GLS2: variants seen among roughly 807,000 people sequenced by gnomAD.
The protein encoded by GLS2 is glutaminase liver isoform, mitochondrial.
A neutral mutation model predicts 79.0 loss-of-function variants in GLS2; 52 were observed. The observed-to-expected ratio is 0.66, with a 90% confidence interval of 0.53 to 0.83. The LOEUF (loss-of-function observed/expected upper bound fraction) is 0.83, where lower values mean the gene tolerates loss of function less well. GLS2 is among the 40% of genes least tolerant of loss of function. GLS2 has a pLI of 0.00. For missense variants in GLS2, 561 were observed against 764.8 expected, an observed-to-expected ratio of 0.73 and a Z score of 3.14; for synonymous variants, 238 against 280.8, an observed-to-expected ratio of 0.85 and a Z score of 1.52.
intron 1 of GLS2, among the ~76,000 whole-genome samples, chr12:56,486,234 G>T (rs777162127): frequency 6.6e-6 from 1 of 152,058 alleles, no homozygotes; most frequent in East Asian, 1.9e-4. Context: ...ATGATAGGGG[G>T]TTCCCTGGGC....
Position 56,484,517 on chromosome 12 carries a change from T to G in GLS2, c.182+3420A>C, listed in dbSNP as rs117449436. Reference sequence around the variant, plus strand: ...ACCAGAAGAGGGAATACCAGAAGAGTTTTCCTGCTTCTGGGGAAATCCGGT... The same window carrying G: ...ACCAGAAGAGGGAATACCAGAAGAGGTTTCCTGCTTCTGGGGAAATCCGGT... On this transcript the variant is annotated intron_variant, in intron 1 of 17. Transcript: ENST00000311966. Among the ~76,000 whole-genome samples, 1,480 of 151,660 alleles carry G rather than the reference T, an allele frequency of 9.8e-3. 19 individuals are homozygous for G. Among genetic ancestry groups the G allele is most frequent in the Middle Eastern group, 0.031 (9 of 294 alleles).
Position 56,471,281 on chromosome 12 carries a change from G to T in GLS2, c.*206C>A, listed in dbSNP as rs1438719835. The T allele has an allele frequency of 1.1e-5, 6 of 547,280 alleles. No homozygotes were observed. Among genetic ancestry groups the T allele is most frequent in the African/African-American group, 1.9e-5 (1 of 52,836 alleles). The allele number at this position is 547,280 out of a possible 1,614,324, so 33.9% of individuals were successfully genotyped here. A position where few individuals can be genotyped will look rare whatever the true frequency, so the allele number is the denominator to read the frequency against. ...GTCTCTCTGGATAGCTGTACTGCAG[G>T]TGTCCTCTGAGGCCCTTCTCTGTAC... On this transcript the variant is annotated 3_prime_UTR_variant, in exon 18 of 18. Transcript: ENST00000311966.
chr12:56,480,422 G>A (rs370977058), intron 1 of GLS2, 35 bp from the exon 2 acceptor site: 15 of 1,530,914 alleles, frequency 9.8e-6, no homozygotes, highest in Non-Finnish European at 1.3e-5. Flanking sequence ...GGAAAGTGGG[G>A]CCTGAGAACT....
At position 56,471,846 on chromosome 12, in the gene GLS2, T is replaced by C. The variant is rs367695348; in HGVS notation, c.1589-10A>G. The stretch of plus-strand genomic sequence containing the variant: ...ACAACTTCGATGTGTCCTAGGAATA[T>C]GGGCAGAAGGAAAATGAGAAGGCGC... On this transcript the variant is annotated splice_polypyrimidine_tract_variant and intron_variant, in intron 16 of 17. Coordinates refer to ENST00000311966, the MANE Select transcript of GLS2 (RefSeq NM_013267.4). 2.9e-5 allele frequency: 46 copies of C among 1,613,526 alleles called. No individual in the cohort carries two copies. Among genetic ancestry groups the C allele is most frequent in the Non-Finnish European group, 3.6e-5 (42 of 1,179,890 alleles).
chr12:56,487,586 T>A, intron 1 of GLS2: 1 of 352,622 alleles, frequency 2.8e-6, no homozygotes, highest in Non-Finnish European at 5.2e-6. Context: ...TCTCCTAAAA[T>A]ACACACGAGG....
intron 12 of GLS2, chr12:56,474,246 C>G (rs900361210): frequency 2.2e-5 from 8 of 369,522 alleles, no homozygotes; most frequent in Non-Finnish European, 3.6e-5. Flanking sequence ...CACACCACCA[C>G]CCCCGGCTAA....
chr12:56,474,781 TAGGGAA>T, intron 11 of GLS2, 59 bp downstream of exon 11: 1 of 1,612,588 alleles, frequency 6.2e-7, no homozygotes, highest in Non-Finnish European at 8.5e-7. Context: ...CCCTCGGGTG[TAGGGAA>T]AGGGCAAGGG....
chr12:56,472,316 T>G (rs1869356851), intron 15 of GLS2, 121 bp from the exon 16 acceptor site: 1 of 828,832 alleles, frequency 1.2e-6, no homozygotes, highest in African/African-American at 1.7e-5. Flanking sequence ...ATAGCCAGAT[T>G]TGTTGGCTCT....
intron 12 of GLS2, 117 bp downstream of exon 12, chr12:56,474,427 C>G (rs1465876673): frequency 1.3e-5 from 17 of 1,310,786 alleles, no homozygotes; most frequent in Non-Finnish European, 1.7e-5. Context: ...AATTGCCTTC[C>G]TGGAAGTTAG....
chr12:56,477,680 C>G lies in GLS2; in HGVS notation c.817G>C (p.Val273Leu), dbSNP rs1278643300. Reference sequence around the variant, plus strand: ...CTGACCTTGATCAGGGAGCTGACAACAATGGCACCAGCATTGACCATGGGG... The same window carrying G: ...CTGACCTTGATCAGGGAGCTGACAAGAATGGCACCAGCATTGACCATGGGG... ...HNPMVNAGAIVVSSLIKMDCN... is the reference protein window; with the variant it reads ...HNPMVNAGAILVSSLIKMDCN... Residue 273 changes from valine (V) to leucine (L), a missense_variant, in exon 7 of 18, where the codon GTT becomes CTT. By Grantham distance (32) the Val-to-Leu change is conservative. Transcript: ENST00000311966. 1 of 1,613,480 alleles carries G rather than the reference C, an allele frequency of 6.2e-7. No homozygotes were observed. The highest frequency in any genetic ancestry group is 2.2e-5 in the East Asian group (1 of 44,870).
At position 56,471,355 on chromosome 12, in the gene GLS2, G is replaced by T; in HGVS notation, c.*132C>A. ...ATTTTGACTCCCATAGAAAGCACTA[G>T]CCTAAGTCACCAAATGACTGCTTGG... On this transcript the variant is annotated 3_prime_UTR_variant, in exon 18 of 18. Coordinates refer to ENST00000311966, the MANE Select transcript of GLS2 (RefSeq NM_013267.4). 1.0e-6 allele frequency: 1 copy of T among 980,538 alleles called. No homozygotes were observed. The highest frequency in any genetic ancestry group is 1.5e-6 in the Non-Finnish European group (1 of 681,204). The allele number at this position is 980,538 out of a possible 1,614,324, so 60.7% of individuals were successfully genotyped here. A position where few individuals can be genotyped will look rare whatever the true frequency, so the allele number is the denominator to read the frequency against.
intron 1 of GLS2, among the ~76,000 whole-genome samples, chr12:56,481,976 A>G (rs1870337666): frequency 6.6e-6 from 1 of 151,982 alleles, no homozygotes; most frequent in Admixed American, 6.5e-5. Flanking sequence ...CACACCTGTA[A>G]TCCCAGCACT....
chr12:56,480,340 A>G lies in GLS2; in HGVS notation c.230T>C (p.Phe77Ser), dbSNP rs569166855. The change falls in exon 2 of 18, where the codon TTT becomes TCT. Residue 77 changes from phenylalanine (F) to serine (S), a missense_variant. Transcript: ENST00000311966. ...GMLSRLGDLL[F>S]YTIAEGQERI... ...TTCCTGTCCTTCAGCAATAGTGTAA[A>G]AGAGCAAATCACCCAGGCGGGACAG... 1.2e-6 allele frequency: 2 copies of G among 1,614,166 alleles called. No homozygotes were observed. The highest frequency in any genetic ancestry group is 4.5e-5 in the East Asian group (2 of 44,878).
intron 4 of GLS2, 64 bp downstream of exon 4, chr12:56,478,985 GGAA>G: frequency 8.4e-7 from 1 of 1,186,940 alleles, no homozygotes. Context: ...CTCTGTCTCA[GGAA>G]AAAAAAAAAA....
rs962384997 is a variant in GLS2, at chr12:56,473,155, C to T, written c.1449+73G>A. On this transcript the variant is annotated intron_variant, in intron 14 of 17. Coordinates refer to ENST00000311966, the MANE Select transcript of GLS2 (RefSeq NM_013267.4). ...CCGCCCGCCTTGGCCTCTCAAAGTG[C>T]AGGGATTACAGGCGTGAGCCACCGC... 105 of 1,394,532 alleles carry T rather than the reference C, an allele frequency of 7.5e-5. No homozygotes were observed. The Middle Eastern group carries it at 9.2e-4, about 12-fold the overall frequency. 86.4% of individuals were successfully genotyped at this position (1,394,532 alleles called of 1,614,324 possible). A position where few individuals can be genotyped will look rare whatever the true frequency, so the allele number is the denominator to read the frequency against.
chr12:56,473,881 GTAAA>G (rs1869536901), intron 12 of GLS2: 1 of 306,748 alleles, frequency 3.3e-6, no homozygotes, highest in Non-Finnish European at 6.0e-6. Flanking sequence ...TAATAAACAG[GTAAA>G]TAAATAGACA....
At chr12:56,479,236 C>A in intron 3 of GLS2, 55 bp from the exon 4 acceptor site, 1 of 1,591,720 alleles carries the variant, frequency 6.3e-7, no homozygotes, top group Non-Finnish European at 8.5e-7. Context: ...CTGGGACTCA[C>A]TCTGGAGCCA....
chr12:56,486,711 C>T (rs1283603782), intron 1 of GLS2, among the ~76,000 whole-genome samples: 2 of 151,924 alleles, frequency 1.3e-5, no homozygotes, highest in Non-Finnish European at 2.9e-5. Context: ...TGTGGTGGCG[C>T]GCACCTGTAA....
intron 14 of GLS2, 193 bp from the exon 15 acceptor site, chr12:56,472,944 G>A (rs1235018482): frequency 1.8e-6 from 1 of 560,392 alleles, no homozygotes; most frequent in South Asian, 2.1e-5. Context: ...CTGAAGTGTA[G>A]TGGCGCGCGG....
Sources: allele counts gnomAD v4.1 joint callset (sites outside exome capture counted in the v4.1 genomes callset), GRCh38; gene constraint gnomAD v4.1.1; transcripts MANE v1.5; gene names NCBI Gene and HGNC (gene_info 2026-07-23, HGNC 2026-07-21).